GLI3: variants seen among roughly 807,000 people sequenced by gnomAD.
GLI3 encodes the protein transcription activator GLI3.
Under a neutral mutation model 100.8 loss-of-function variants are expected in GLI3, and 20 were observed. The ratio of observed to expected loss-of-function variants is 0.20; its 90% CI spans 0.14 to 0.29. The LOEUF (loss-of-function observed/expected upper bound fraction) is 0.29. Ranked by LOEUF, GLI3 falls within the 10% of genes least tolerant of loss-of-function variation. GLI3 has a pLI of 1.00. For synonymous variants in GLI3, 938 were observed against 860.5 expected, an observed-to-expected ratio of 1.09 and a Z score of -1.58; for missense variants, 2,040 against 2,128.5, an observed-to-expected ratio of 0.96 and a Z score of 0.82.
intron 2 of GLI3, among the ~76,000 whole-genome samples, chr7:42,174,633 G>T (rs1480613688): frequency 6.6e-6 from 1 of 152,160 alleles, no homozygotes; most frequent in African/African-American, 2.4e-5. Context: ...AACAACTGAA[G>T]CACATTTCGG....
At chr7:42,030,434 A>G (rs568495296) in intron 7 of GLI3, among the ~76,000 whole-genome samples, 1 of 152,212 alleles carries the variant, frequency 6.6e-6, no homozygotes, top group Non-Finnish European at 1.5e-5. Context: ...AGTCACCTCA[A>G]AGAAAACTAT....
rs760778129 is a variant in GLI3 at position 41,966,038 on chromosome 7, C to A, written c.3035G>T (p.Gly1012Val). 7 of 1,589,718 alleles carry A rather than the reference C, an allele frequency of 4.4e-6. No homozygotes were observed. Among genetic ancestry groups the A allele is most frequent in the Non-Finnish European group, 6.0e-6 (7 of 1,174,212 alleles). ...VRRASDPVRT[G>V]SEGLALPRVP... Reference sequence around the variant, plus strand: ...ACGAGGCAGGGCCAGGCCCTCGGAGCCTGTCCGCACCGGGTCGCTGGCCCT... The same window carrying A: ...ACGAGGCAGGGCCAGGCCCTCGGAGACTGTCCGCACCGGGTCGCTGGCCCT... The change falls in exon 15 of 15, where the codon GGC becomes GTC. Residue 1012 changes from glycine to valine, a missense_variant. Gly to Val is a moderately radical substitution (Grantham distance 109). This residue lies in a region of GLI3 where 1,041 missense variants were observed against 924.0 expected (regional missense o/e 1.13). Transcript: ENST00000395925. The surrounding 1 kb of genome is among the most constrained non-coding windows in gnomAD (Gnocchi z 5.8).
intron 4 of GLI3, among the ~76,000 whole-genome samples, chr7:42,052,211 A>G (rs1784366303): frequency 1.3e-5 from 2 of 152,218 alleles, no homozygotes; most frequent in Non-Finnish European, 2.9e-5. Context: ...TCTTTCACTT[A>G]CTGAAGGAAA....
At chr7:41,987,634 T>C (rs137969038) in intron 10 of GLI3, among the ~76,000 whole-genome samples, 9 of 152,266 alleles carry the variant, frequency 5.9e-5, no homozygotes, top group African/African-American at 1.9e-4. Context: ...TTGTGCAGAG[T>C]TGTTAACAGA....
At chr7:41,982,007 A>T (rs1366722576) in intron 10 of GLI3, among the ~76,000 whole-genome samples, 1 of 152,078 alleles carries the variant, frequency 6.6e-6, no homozygotes, top group African/African-American at 2.4e-5. Flanking sequence ...GGGGTGGGGG[A>T]AACTTATGTT....
intron 2 of GLI3, among the ~76,000 whole-genome samples, chr7:42,170,287 T>TATACACACAC (rs1452471645): frequency 9.7e-5 from 12 of 124,006 alleles, no homozygotes; most frequent in African/African-American, 2.8e-4. Flanking sequence ...TATATATATA[T>TATACACACAC]ACACACACAT....
At chr7:42,227,466 A>G (rs1046301269) in intron 1 of GLI3, among the ~76,000 whole-genome samples, 5 of 152,128 alleles carry the variant, frequency 3.3e-5, no homozygotes, top group Non-Finnish European at 7.4e-5. Flanking sequence ...ACTATCCCTG[A>G]ACCTTTTGTA....
At chr7:42,103,858 T>C (rs1221392340) in intron 3 of GLI3, among the ~76,000 whole-genome samples, 2 of 152,054 alleles carry the variant, frequency 1.3e-5, no homozygotes, top group Non-Finnish European at 2.9e-5. Context: ...AAGGTAGAAA[T>C]AAAAGTGCTA....
At chr7:42,145,751 A>G (rs1439753910) in intron 3 of GLI3, 1 of 396,986 alleles carries the variant, frequency 2.5e-6, no homozygotes, top group Non-Finnish European at 4.4e-6. Flanking sequence ...GAAGAGAAGG[A>G]AAAAAAGAGG....
At chr7:42,127,459 T>C (rs1217250869) in intron 3 of GLI3, among the ~76,000 whole-genome samples, 1 of 152,224 alleles carries the variant, frequency 6.6e-6, no homozygotes, top group African/African-American at 2.4e-5. Context: ...GTTTGCAGAC[T>C]GTGGTGCCTT....
chr7:42,036,743 TTAGAG>T (rs1316183994), intron 7 of GLI3, among the ~76,000 whole-genome samples: 1 of 152,078 alleles, frequency 6.6e-6, no homozygotes, highest in Non-Finnish European at 1.5e-5. Flanking sequence ...TCAAGTGTGT[TTAGAG>T]TAAATTAACA....
chr7:42,113,644 CTG>C lies in GLI3; in HGVS notation c.367+34580_367+34581del, dbSNP rs1393670530. Reference sequence around the variant, plus strand: ...AGTGAAGTGTCTGCATTTTTGATAACTGTGTACTTCTGATGACTGTACAGTTT... The same window carrying C: ...AGTGAAGTGTCTGCATTTTTGATAACTGTACTTCTGATGACTGTACAGTTT... On this transcript the variant is annotated intron_variant, in intron 3 of 14. Transcript: ENST00000395925. The C allele has an allele frequency of 8.0e-6, 7 of 879,614 alleles. No individual in the cohort carries two copies. The African/African-American group carries it at 1.2e-4, about 14-fold the overall frequency. 54.5% of individuals were successfully genotyped at this position (879,614 alleles called of 1,614,324 possible).
At chr7:42,149,669 A>C (rs1157663956) in intron 2 of GLI3, among the ~76,000 whole-genome samples, 2 of 152,196 alleles carry the variant, frequency 1.3e-5, no homozygotes, top group African/African-American at 4.8e-5. Flanking sequence ...CCTATCTTAA[A>C]AAAAAACTGT....
Position 41,964,583 on chromosome 7 carries a change from T to A in GLI3, c.4490A>T (p.His1497Leu). The A allele has an allele frequency of 1.9e-6, 3 of 1,614,184 alleles. No individual in the cohort carries two copies. The highest frequency in any genetic ancestry group is 2.5e-6 in the Non-Finnish European group (3 of 1,180,000). Residue 1497 changes from histidine (H) to leucine (L), a missense_variant, in exon 15 of 15, where the codon CAT becomes CTT. Coordinates refer to ENST00000395925, the MANE Select transcript of GLI3 (RefSeq NM_000168.6). ...GTCAATCTGTACCCCTTCCAGGTCA[T>A]GGCTGTCGAGGCTGTCCACTGTGCT... ...VTSTVDSLDS[H>L]DLEGVQIDFD...
chr7:42,178,244 G>A (rs1369350537), intron 2 of GLI3, among the ~76,000 whole-genome samples: 2 of 152,194 alleles, frequency 1.3e-5, no homozygotes, highest in Non-Finnish European at 2.9e-5. Flanking sequence ...CACCTAAAGT[G>A]CCAACAAAGT....
At position 41,972,215 on chromosome 7, in the gene GLI3, G is replaced by A. The variant is rs543598390; in HGVS notation, c.2103+122C>T. 6.6e-6 allele frequency: 6 copies of A among 913,698 alleles called. No individual in the cohort carries two copies. In the East Asian group the frequency reaches 7.2e-5, roughly 11 times the overall value. 56.6% of individuals were successfully genotyped at this position (913,698 alleles called of 1,614,324 possible). A position where few individuals can be genotyped will look rare whatever the true frequency, so the allele number is the denominator to read the frequency against. On this transcript the variant is annotated intron_variant, in intron 13 of 14. Coordinates refer to ENST00000395925, the MANE Select transcript of GLI3 (RefSeq NM_000168.6). The surrounding 1 kb of genome is among the most constrained non-coding windows in gnomAD (Gnocchi z 4.4). ...AGCAATACGGGTCACTGCCCTCATC[G>A]CCTCCTCAGATCAGAGACAGCCTGA...
intron 10 of GLI3, among the ~76,000 whole-genome samples, chr7:41,979,939 G>C (rs1222938091): frequency 5.3e-5 from 8 of 152,204 alleles, no homozygotes; most frequent in Admixed American, 3.3e-4. Flanking sequence ...TCTGCCCTCA[G>C]AGTGTGCCTT....
In GLI3 at chr7:42,001,217, A is replaced by G. The variant is rs1235375325; in HGVS notation, c.1497+22251T>C. On this transcript the variant is annotated intron_variant, in intron 10 of 14. Transcript: ENST00000395925. ...CCGAGATCACACTCCAGCCTGGGCG[A>G]CAGTGTGAGACTATGTCTCAAAAAA... Among the ~76,000 whole-genome samples, 15 of 147,170 alleles carry G rather than the reference A, an allele frequency of 1.0e-4. No individual in the cohort carries two copies. In the East Asian group the frequency reaches 3.0e-3, roughly 29 times the overall value.
At chr7:42,113,560 A>G in intron 3 of GLI3, 1 of 1,150,864 alleles carries the variant, frequency 8.7e-7, no homozygotes, top group South Asian at 1.2e-5. Context: ...ATAACCCTAC[A>G]GAAAATGGAG....
Sources: allele counts gnomAD v4.1 joint callset (sites outside exome capture counted in the v4.1 genomes callset), GRCh38; gene constraint gnomAD v4.1.1; regional missense constraint gnomAD v4.1.1; non-coding constraint Gnocchi (gnomAD v3.1); transcripts MANE v1.5; gene names NCBI Gene and HGNC (gene_info 2026-07-23, HGNC 2026-07-21).